ELP3: variants seen among roughly 807,000 people sequenced by gnomAD.
The protein encoded by ELP3 is elongator acetyltransferase complex subunit 3.
A neutral mutation model predicts 74.9 loss-of-function variants in ELP3; 56 were observed. That is an observed-to-expected ratio of 0.75 (90% CI 0.60 to 0.93). ELP3 has a LOEUF of 0.93. ELP3 is among the 40% of genes least tolerant of loss of function. ELP3 has a pLI of 0.00. For synonymous variants in ELP3, 222 were observed against 239.8 expected (o/e 0.93, Z 0.68); for missense variants, 573 against 686.5 (o/e 0.83, Z 1.85).
chr8:28,157,228 T>C (rs188483400), intron 11 of ELP3, among the ~76,000 whole-genome samples: 91 of 135,142 alleles, frequency 6.7e-4, no homozygotes, highest in Non-Finnish European at 8.1e-4. Flanking sequence ...CTAGTTCCTA[T>C]AGGCAACATC....
intron 3 of ELP3, among the ~76,000 whole-genome samples, chr8:28,101,795 G>A (rs1367152974): frequency 1.3e-5 from 2 of 152,082 alleles, no homozygotes; most frequent in East Asian, 3.9e-4. Context: ...TCACTATGTT[G>A]GCCAGGCTGG....
chr8:28,171,103 C>T lies in ELP3; in HGVS notation c.1567+9025C>T, dbSNP rs569969475. Among the ~76,000 whole-genome samples, 11 of 152,280 alleles carry T rather than the reference C, an allele frequency of 7.2e-5. No individual in the cohort carries two copies. In the South Asian group the frequency reaches 1.0e-3, roughly 14 times the overall value. ...TCATCCATCAGTCTGATAGACATTT[C>T]GGTTGTTTCCACCTTTTGGCTATTG... On this transcript the variant is annotated intron_variant, in intron 14 of 14. Coordinates refer to ENST00000256398, the MANE Select transcript of ELP3 (RefSeq NM_018091.6).
intron 6 of ELP3, 50 bp from the exon 7 acceptor site, chr8:28,112,969 G>A: frequency 6.5e-7 from 1 of 1,544,672 alleles, no homozygotes; most frequent in Non-Finnish European, 8.8e-7. Flanking sequence ...CCTTCTTAGA[G>A]TAGTTCCTTA....
At chr8:28,110,533 T>A in intron 6 of ELP3, 95 bp downstream of exon 6, 1 of 1,110,694 alleles carries the variant, frequency 9.0e-7, no homozygotes, top group Non-Finnish European at 1.3e-6. Context: ...GAAATAAGAA[T>A]GAAAAAGGTG....
intron 5 of ELP3, 81 bp from the exon 6 acceptor site, chr8:28,110,289 G>A (rs946915125): frequency 4.5e-5 from 57 of 1,259,526 alleles, no homozygotes; most frequent in Non-Finnish European, 6.2e-5. Flanking sequence ...ACCATGGAGA[G>A]TTTTTTTTAA....
At chr8:28,149,766 TTTAGA>T (rs1451551629) in intron 10 of ELP3, among the ~76,000 whole-genome samples, 2 of 152,170 alleles carry the variant, frequency 1.3e-5, no homozygotes, top group Non-Finnish European at 2.9e-5. Flanking sequence ...GATTTTTTAT[TTTAGA>T]TTATTCTTCT....
intron 14 of ELP3, among the ~76,000 whole-genome samples, chr8:28,171,303 G>A (rs1814514971): frequency 6.6e-6 from 1 of 151,904 alleles, no homozygotes; most frequent in South Asian, 2.1e-4. Context: ...CACCCACAGT[G>A]CACAAGGATT....
chr8:28,100,730 G>A (rs1811445127), intron 3 of ELP3, among the ~76,000 whole-genome samples: 1 of 152,212 alleles, frequency 6.6e-6, no homozygotes, highest in African/African-American at 2.4e-5. Context: ...CAACATGCAG[G>A]GTAGTTTGGA....
chr8:28,113,035 A>G lies in ELP3; in HGVS notation c.479A>G (p.His160Arg), dbSNP rs770318309. ...GTCTTTCAGTTAAAACAACTTGGTCATAGTGTGGATAAAGTGGAGTTTATT... is the reference window on the plus strand; with the variant it reads ...GTCTTTCAGTTAAAACAACTTGGTCGTAGTGTGGATAAAGTGGAGTTTATT... ...HRIEQLKQLG[H>R]SVDKVEFIVM... The change falls in exon 7 of 15, where the codon CAT (histidine) becomes CGT (arginine). Residue 160 changes from histidine (H) to arginine (R), a missense_variant. His to Arg is a conservative substitution (Grantham distance 29). Coordinates refer to ENST00000256398, the MANE Select transcript of ELP3 (RefSeq NM_018091.6). 2.5e-6 allele frequency: 4 copies of G among 1,613,526 alleles called. No homozygotes were observed. The highest frequency in any genetic ancestry group is 2.2e-5 in the East Asian group (1 of 44,828).
chr8:28,162,095 G>A lies in ELP3; in HGVS notation c.1567+17G>A, dbSNP rs778391599. ...TGATATCAGGTAACTGGGGGAGGGC[G>A]AAGTTCATGATTCCTTCCCATTTTG... is the stretch of plus-strand genomic sequence containing the variant. On this transcript the variant is annotated intron_variant, in intron 14 of 14. Coordinates refer to ENST00000256398, the MANE Select transcript of ELP3 (RefSeq NM_018091.6). The A allele has an allele frequency of 4.3e-6, 7 of 1,612,786 alleles. No individual in the cohort carries two copies. The highest frequency in any genetic ancestry group is 1.3e-5 in the African/African-American group (1 of 75,008).
Position 28,097,515 on chromosome 8 carries a change from G to C in ELP3, c.119+197G>C, listed in dbSNP as rs1811300424. Among the ~76,000 whole-genome samples, 7 of 151,002 alleles carry C rather than the reference G, an allele frequency of 4.6e-5. No homozygotes were observed. In the South Asian group the frequency reaches 1.5e-3, roughly 32 times the overall value. On this transcript the variant is annotated intron_variant, in intron 2 of 14. Coordinates refer to ENST00000256398, the MANE Select transcript of ELP3 (RefSeq NM_018091.6). ...GGGTTAACGCCATTCTCCTGCCTCA[G>C]CCTCCTGAGTAGCTGGGACTACAGG... is the stretch of plus-strand genomic sequence containing the variant.
At chr8:28,127,757 T>C (rs1812636013) in intron 7 of ELP3, among the ~76,000 whole-genome samples, 1 of 152,204 alleles carries the variant, frequency 6.6e-6, no homozygotes, top group African/African-American at 2.4e-5. Context: ...CCTTTTTCTG[T>C]CTCATAGTTC....
intron 5 of ELP3, among the ~76,000 whole-genome samples, chr8:28,109,882 C>T (rs1174347225): frequency 1.3e-5 from 2 of 152,162 alleles, no homozygotes; most frequent in Non-Finnish European, 2.9e-5. Context: ...TATAAGGTAG[C>T]ATATCAGAGT....
chr8:28,168,096 T>C (rs998356634), intron 14 of ELP3, among the ~76,000 whole-genome samples: 1 of 152,208 alleles, frequency 6.6e-6, no homozygotes. Context: ...ATTTACTCAT[T>C]TGAAGGTGAA....
rs567329008 is a variant in ELP3 at position 28,156,226 on chromosome 8, A to G, written c.1191+194A>G. On this transcript the variant is annotated intron_variant, in intron 11 of 14. Transcript: ENST00000256398. ...TGCAGGGGCTGCCTCCTTTTCCTTC[A>G]TTCCCTTCTGCTTTCTTCTGCCTGC... Among the ~76,000 whole-genome samples the G allele has an allele frequency of 2.6e-5, 4 of 152,236 alleles. No homozygotes were observed. In the East Asian group the frequency reaches 7.7e-4, roughly 29 times the overall value.
At chr8:28,146,558 A>G (rs1467466652) in intron 10 of ELP3, among the ~76,000 whole-genome samples, 1 of 152,230 alleles carries the variant, frequency 6.6e-6, no homozygotes, top group African/African-American at 2.4e-5. Context: ...GGAGAAACGT[A>G]AAAATAATTT....
At chr8:28,138,237 G>T (rs1299201241) in intron 10 of ELP3, among the ~76,000 whole-genome samples, 1 of 152,148 alleles carries the variant, frequency 6.6e-6, no homozygotes, top group East Asian at 1.9e-4. Flanking sequence ...CATAAGAAGT[G>T]TGGCCGTGTG....
At chr8:28,099,261 G>A (rs1049442000) in intron 2 of ELP3, among the ~76,000 whole-genome samples, 7 of 152,076 alleles carry the variant, frequency 4.6e-5, no homozygotes, top group Non-Finnish European at 1.0e-4. Context: ...GTTCTGCATA[G>A]CCATCCTTGA....
intron 7 of ELP3, among the ~76,000 whole-genome samples, chr8:28,116,543 C>T (rs1336411130): frequency 6.6e-6 from 1 of 152,122 alleles, no homozygotes; most frequent in African/African-American, 2.4e-5. Context: ...AGTTTGAGAC[C>T]AGCCTGACCA....
Sources: allele counts gnomAD v4.1 joint callset (sites outside exome capture counted in the v4.1 genomes callset), GRCh38; gene constraint gnomAD v4.1.1; transcripts MANE v1.5; gene names NCBI Gene and HGNC (gene_info 2026-07-23, HGNC 2026-07-21).